The following MARCHF8 variants were observed in gnomAD, a reference collection of about 807,000 sequenced individuals.
MARCHF8 encodes the protein membrane associated ring-CH-type finger 8.
A neutral mutation model predicts 51.6 loss-of-function variants in MARCHF8; 40 were observed. The observed-to-expected ratio is 0.77, with a 90% CI of 0.60 to 1.01. The LOEUF is 1.01. Among genes scored for constraint, MARCHF8 ranks in the 50% least tolerant of loss-of-function variants. The pLI, the probability that MARCHF8 is intolerant of heterozygous loss-of-function variation, is 0.00. For missense variants in MARCHF8, 685 were observed against 708.6 expected, an observed-to-expected ratio of 0.97 and a Z score of 0.38; for synonymous variants, 263 against 280.3, an observed-to-expected ratio of 0.94 and a Z score of 0.62.
intron 1 of MARCHF8, among the ~76,000 whole-genome samples, chr10:45,590,092 AT>A (rs1191542143): frequency 6.6e-6 from 1 of 152,168 alleles, no homozygotes; most frequent in Non-Finnish European, 1.5e-5. Flanking sequence ...TTTATTATAC[AT>A]AGCCATCTTA....
upstream of MARCHF8, among the ~76,000 whole-genome samples, chr10:45,539,372 A>T (rs1180576980): frequency 6.6e-6 from 1 of 152,250 alleles, no homozygotes; most frequent in African/African-American, 2.4e-5. Flanking sequence ...AGCAGGAAAG[A>T]TCTAAAATTG....
At chr10:45,478,023 G>A (rs1220920280) in intron 3 of MARCHF8, among the ~76,000 whole-genome samples, 2 of 152,060 alleles carry the variant, frequency 1.3e-5, no homozygotes, top group East Asian at 1.9e-4. Flanking sequence ...GGCAGAAAAT[G>A]AACAAACATT....
rs1167734597 is a variant in MARCHF8, at chr10:45,463,347, C to G, written c.892G>C (p.Gly298Arg). ...TCGTCAGAGCAGAAGCCCATACTCC[C>G]TGCCAGCCCGCTGGAGGACTTGGCA... ...HTAKSSSGLA[G>R]SMGFCSDEMG... Residue 298 changes from glycine (G) to arginine (R), a missense_variant, in exon 5 of 8, where the codon GGG (glycine) becomes CGG (arginine). Transcript: ENST00000453424. 1 of 1,550,888 alleles carries G rather than the reference C, an allele frequency of 6.4e-7. No individual in the cohort carries two copies.
intron 2 of MARCHF8, among the ~76,000 whole-genome samples, chr10:45,527,840 C>A (rs1397596551): frequency 6.6e-6 from 1 of 152,062 alleles, no homozygotes; most frequent in African/African-American, 2.4e-5. Context: ...AACACAGATG[C>A]AAAAACGCTC....
chr10:45,551,928 A>G (rs1439402870), intron 1 of MARCHF8, among the ~76,000 whole-genome samples: 1 of 152,136 alleles, frequency 6.6e-6, no homozygotes, highest in African/African-American at 2.4e-5. Context: ...TATATCACAT[A>G]GTTTAGATCA....
At chr10:45,469,194 G>A (rs1843076027) in intron 3 of MARCHF8, among the ~76,000 whole-genome samples, 1 of 152,062 alleles carries the variant, frequency 6.6e-6, no homozygotes, top group African/African-American at 2.4e-5. Context: ...TGCCATCTGT[G>A]CTGGTGCTGC....
intron 1 of MARCHF8, among the ~76,000 whole-genome samples, chr10:45,569,590 G>C (rs1428215597): frequency 1.3e-5 from 2 of 152,112 alleles, no homozygotes; most frequent in Non-Finnish European, 2.9e-5. Flanking sequence ...AAGGACCCTT[G>C]TTTTTCAAAG....
chr10:45,511,555 G>A (rs574648368), intron 2 of MARCHF8, among the ~76,000 whole-genome samples: 107 of 152,360 alleles, frequency 7.0e-4, no homozygotes, highest in African/African-American at 2.4e-3. Flanking sequence ...TTACAGGCGC[G>A]CGCCGCCACA....
chr10:45,563,389 T>C (rs1220235118), intron 1 of MARCHF8, among the ~76,000 whole-genome samples: 2 of 152,140 alleles, frequency 1.3e-5, no homozygotes, highest in African/African-American at 4.8e-5. Flanking sequence ...ATGCAGGCTG[T>C]AGTATACGCA....
At chr10:45,514,997 A>AG (rs1244092108) in intron 2 of MARCHF8, among the ~76,000 whole-genome samples, 13 of 152,262 alleles carry the variant, frequency 8.5e-5, no homozygotes, top group African/African-American at 2.9e-4. Flanking sequence ...AGGGTGGGGG[A>AG]GGGGAGCTCT....
intron 1 of MARCHF8, among the ~76,000 whole-genome samples, chr10:45,545,482 C>A (rs2044108601): frequency 6.6e-6 from 1 of 152,098 alleles, no homozygotes; most frequent in African/African-American, 2.4e-5. Flanking sequence ...TGGGAAGAAA[C>A]CCACTGATCT....
intron 2 of MARCHF8, among the ~76,000 whole-genome samples, chr10:45,530,800 A>C (rs906535682): frequency 9.2e-5 from 14 of 152,142 alleles, no homozygotes; most frequent in Admixed American, 9.2e-4. Flanking sequence ...AATAACAAAA[A>C]TGAAAATAAA....
At chr10:45,560,027 T>A (rs1164648394) in intron 1 of MARCHF8, among the ~76,000 whole-genome samples, 1 of 152,058 alleles carries the variant, frequency 6.6e-6, no homozygotes, top group Non-Finnish European at 1.5e-5. Context: ...ACAGCCAATC[T>A]GCTGGCTGGG....
intron 2 of MARCHF8, among the ~76,000 whole-genome samples, chr10:45,527,016 T>C (rs2043805293): frequency 6.6e-6 from 1 of 152,228 alleles, no homozygotes; most frequent in Admixed American, 6.5e-5. Flanking sequence ...TGCTCTTGAA[T>C]GATTTTTGGG....
At chr10:45,469,863 TCAAA>T (rs1843108453) in intron 3 of MARCHF8, among the ~76,000 whole-genome samples, 1 of 23,442 alleles carries the variant, frequency 4.3e-5, no homozygotes, top group African/African-American at 1.9e-4. Context: ...AGACTCCGTC[TCAAA>T]AAAAAAAAAA....
At chr10:45,512,252 C>A (rs1376888205) in intron 2 of MARCHF8, among the ~76,000 whole-genome samples, 2 of 151,756 alleles carry the variant, frequency 1.3e-5, no homozygotes, top group Admixed American at 6.5e-5. Context: ...CGGCAGCCGC[C>A]CCGTCTGAGA....
intron 1 of MARCHF8, among the ~76,000 whole-genome samples, chr10:45,563,934 T>C (rs932622305): frequency 1.3e-5 from 2 of 152,154 alleles, no homozygotes; most frequent in African/African-American, 4.8e-5. Context: ...AAGAGAAAGT[T>C]GACAACACAT....
chr10:45,518,689 G>A (rs138764357), intron 2 of MARCHF8, among the ~76,000 whole-genome samples: 86 of 152,288 alleles, frequency 5.6e-4, no homozygotes, highest in African/African-American at 2.0e-3. Flanking sequence ...GCCCAAGGGA[G>A]CATCCTGTGG....
chr10:45,512,021 G>C (rs566429951), intron 2 of MARCHF8, among the ~76,000 whole-genome samples: 10 of 150,712 alleles, frequency 6.6e-5, no homozygotes, highest in Admixed American at 2.6e-4. Flanking sequence ...CTTCCCGGCC[G>C]TCATCCCATC....
Sources: gnomAD v4.1 joint callset for allele counts (sites outside exome capture counted in the v4.1 genomes callset) on GRCh38, gnomAD v4.1.1 for gene constraint, MANE v1.5 for transcripts, NCBI Gene and HGNC (gene_info 2026-07-23, HGNC 2026-07-21) for gene names.